Variants in OVCH1 observed in about 807,000 individuals in gnomAD.
OVCH1 encodes the protein ovochymase-1.
OVCH1 carries 139 observed loss-of-function variants against 138.4 expected under a neutral mutation model. The observed-to-expected ratio is 1.00, with a 90% CI of 0.87 to 1.16. The LOEUF (loss-of-function observed/expected upper bound fraction) is 1.16, where lower values mean the gene tolerates loss of function less well. OVCH1 is among the 50% of genes most tolerant of loss of function. The pLI is 0.00. For synonymous variants in OVCH1, 453 were observed against 467.8 expected, an observed-to-expected ratio of 0.97 and a Z score of 0.41; for missense variants, 1,367 against 1,357.9, an observed-to-expected ratio of 1.01 and a Z score of -0.11.
At chr12:29,435,414 T>G (rs1441347101) in intron 26 of OVCH1, among the ~76,000 whole-genome samples, 3 of 152,206 alleles carry the variant, frequency 2.0e-5, no homozygotes, top group African/African-American at 7.2e-5. Flanking sequence ...TCGTCCAGGC[T>G]GGAGTGCAGT....
chr12:29,420,214 A>G (rs1194145894), intron 3 of OVCH1, among the ~76,000 whole-genome samples: 1 of 152,212 alleles, frequency 6.6e-6, no homozygotes, highest in Non-Finnish European at 1.5e-5. Context: ...ATTCAGATGA[A>G]ATCAAAGAAA....
chr12:29,447,041 T>C (rs1941636760), intron 22 of OVCH1, among the ~76,000 whole-genome samples: 1 of 152,016 alleles, frequency 6.6e-6, no homozygotes, highest in Non-Finnish European at 1.5e-5. Flanking sequence ...AATAAACTTA[T>C]AACAACATTA....
At chr12:29,476,955 G>A (rs765075425) in intron 12 of OVCH1, 147 bp downstream of exon 12, 5 of 977,996 alleles carry the variant, frequency 5.1e-6, no homozygotes, top group Non-Finnish European at 5.7e-6. Context: ...CACTCACAGA[G>A]ATTTCTTTTC....
chr12:29,495,411 A>G, exon 4 of OVCH1: 1 of 1,613,560 alleles, frequency 6.2e-7, no homozygotes, highest in Non-Finnish European at 8.5e-7. Flanking sequence ...TCCTTCTGAA[A>G]GAGGCTGTAC....
exon 23 of OVCH1, chr12:29,445,398 A>G (rs374193920): frequency 5.7e-5 from 92 of 1,607,466 alleles, no homozygotes; most frequent in Non-Finnish European, 7.0e-5. Flanking sequence ...CTTCCATGTA[A>G]TCCACCTAGG....
intron 16 of OVCH1, among the ~76,000 whole-genome samples, chr12:29,465,688 A>G (rs964184917): frequency 2.6e-5 from 4 of 152,202 alleles, no homozygotes; most frequent in African/African-American, 9.6e-5. Context: ...GCTCTTGATC[A>G]TGTATCCTGC....
chr12:29,482,269 C>T (rs1266512423), intron 8 of OVCH1, among the ~76,000 whole-genome samples: 1 of 152,160 alleles, frequency 6.6e-6, no homozygotes, highest in East Asian at 1.9e-4. Context: ...TCTTGTCTCA[C>T]ACATACCATT....
intron 16 of OVCH1, among the ~76,000 whole-genome samples, chr12:29,471,224 A>G (rs1942498349): frequency 6.6e-6 from 1 of 152,214 alleles, no homozygotes; most frequent in Non-Finnish European, 1.5e-5. Context: ...TATATTATGT[A>G]TATTATTTCA....
intron 22 of OVCH1, among the ~76,000 whole-genome samples, chr12:29,445,833 C>A (rs1446409427): frequency 6.6e-6 from 1 of 151,884 alleles, no homozygotes; most frequent in Non-Finnish European, 1.5e-5. Flanking sequence ...CTTTGAGAAC[C>A]TAAGTCAAAG....
intron 23 of OVCH1, among the ~76,000 whole-genome samples, chr12:29,444,815 A>G (rs1279235558): frequency 1.3e-5 from 2 of 152,092 alleles, no homozygotes. Context: ...TTACATTTAT[A>G]ATACTAGAAT....
intron 1 of OVCH1, among the ~76,000 whole-genome samples, 179 bp downstream of exon 1, chr12:29,497,444 C>A (rs1282504272): frequency 6.6e-6 from 1 of 152,180 alleles, no homozygotes; most frequent in African/African-American, 2.4e-5. Flanking sequence ...AAAAGGCAGT[C>A]TGGCCCAGAC....
At chr12:29,414,637 T>TTATAATTTAGAAC (rs1400682254) in intron 3 of OVCH1, among the ~76,000 whole-genome samples, 2 of 152,170 alleles carry the variant, frequency 1.3e-5, no homozygotes, top group African/African-American at 4.8e-5. Flanking sequence ...CCAACTATGT[T>TTATAATTTAGAAC]TATAATTTAG....
At chr12:29,446,684 C>G (rs573116418) in intron 22 of OVCH1, among the ~76,000 whole-genome samples, 31 of 151,966 alleles carry the variant, frequency 2.0e-4, no homozygotes, top group African/African-American at 7.5e-4. Context: ...GAAAATGTGT[C>G]TCTCTGTATA....
chr12:29,482,211 C>T (rs1324223077), intron 8 of OVCH1, among the ~76,000 whole-genome samples: 1 of 152,202 alleles, frequency 6.6e-6, no homozygotes, highest in Non-Finnish European at 1.5e-5. Flanking sequence ...AGCCACTCAA[C>T]TCTGGCTCTC....
chr12:29,461,781 T>G, intron 19 of OVCH1, 73 bp downstream of exon 19: 2 of 1,579,480 alleles, frequency 1.3e-6, no homozygotes, highest in Non-Finnish European at 1.7e-6. Flanking sequence ...CAGCAATGGT[T>G]TCTCCTGTCT....
intron 25 of OVCH1, among the ~76,000 whole-genome samples, chr12:29,441,395 G>A (rs1437230821): frequency 6.6e-6 from 1 of 152,134 alleles, no homozygotes; most frequent in Non-Finnish European, 1.5e-5. Flanking sequence ...AATAAATGGT[G>A]CTGGGAAAAC....
chr12:29,471,780 G>T, intron 16 of OVCH1, 22 bp downstream of exon 16: 1 of 1,591,398 alleles, frequency 6.3e-7, no homozygotes, highest in East Asian at 2.3e-5. Flanking sequence ...AAATAGGTTG[G>T]TAAAATACCA....
intron 3 of OVCH1, among the ~76,000 whole-genome samples, chr12:29,416,023 G>A (rs762029062): frequency 3.3e-5 from 5 of 149,838 alleles, no homozygotes; most frequent in Non-Finnish European, 5.9e-5. Flanking sequence ...AGGCACAAAA[G>A]CAATTCAACA....
intron 22 of OVCH1, among the ~76,000 whole-genome samples, chr12:29,447,642 T>C (rs926941244): frequency 1.3e-5 from 2 of 152,156 alleles, no homozygotes; most frequent in African/African-American, 4.8e-5. Context: ...TCAAAGTTAC[T>C]GATGAAATGA....
Sources: allele counts gnomAD v4.1 joint callset (sites outside exome capture counted in the v4.1 genomes callset), GRCh38; gene constraint gnomAD v4.1.1; transcripts MANE v1.5; gene names NCBI Gene and HGNC (gene_info 2026-07-23, HGNC 2026-07-21).